EXTL1: variants seen among roughly 807,000 people sequenced by gnomAD.
EXTL1 encodes the protein exostosin-like 1.
In EXTL1, 43 loss-of-function variants were observed where a neutral mutation model predicts 64.6. The observed-to-expected ratio is 0.67, with a 90% CI of 0.52 to 0.86. The LOEUF (loss-of-function observed/expected upper bound fraction) is 0.86. Among genes scored for constraint, EXTL1 ranks in the 40% least tolerant of loss-of-function variants. The pLI, the probability that EXTL1 is intolerant of heterozygous loss-of-function variation, is 0.00. For missense variants in EXTL1, 766 were observed against 879.0 expected, an observed-to-expected ratio of 0.87 and a Z score of 1.62; for synonymous variants, 352 against 360.5, an observed-to-expected ratio of 0.98 and a Z score of 0.27.
Position 26,035,431 on chromosome 1 carries a change from G to C in EXTL1, c.*84G>C, listed in dbSNP as rs977265497. The stretch of plus-strand genomic sequence containing the variant: ...GCCTGCCGGCGGGCTCCGCTCTTGG[G>C]ACACCGGAGAACCTATCATGTCAGC... On this transcript the variant is annotated 3_prime_UTR_variant, in exon 11 of 11. Transcript: ENST00000374280. This position sits in a 1 kb window ranked among gnomAD's most constrained non-coding sequence, Gnocchi z 5.3. The C allele has an allele frequency of 4.2e-5, 54 of 1,291,264 alleles. 1 individual carries two copies. Among genetic ancestry groups the C allele is most frequent in the Middle Eastern group, 2.8e-4 (1 of 3,596 alleles). 80.0% of individuals were successfully genotyped at this position (1,291,264 alleles called of 1,614,324 possible). A position where few individuals can be genotyped will look rare whatever the true frequency, so the allele number is the denominator to read the frequency against.
At chr1:26,028,618 G>A (rs559148704) in intron 1 of EXTL1, among the ~76,000 whole-genome samples, 1 of 152,274 alleles carries the variant, frequency 6.6e-6, no homozygotes, top group African/African-American at 2.4e-5. Context: ...TGGTGGAGGG[G>A]GTAGGTGGGA....
intron 1 of EXTL1, among the ~76,000 whole-genome samples, chr1:26,027,693 A>AAAAAAAAAAAAAAAAAAAAAAAAAAAAG (rs1553141858): frequency 0.011 from 1,488 of 131,130 alleles, 30 homozygotes; most frequent in Non-Finnish European, 0.021. Context: ...CATCTCTAAA[A>AAAAAAAAAAAAAAAAAAAAAAAAAAAAG]AAAAAAAAAA....
At chr1:26,024,150 G>A (rs2050189446) in intron 1 of EXTL1, among the ~76,000 whole-genome samples, 2 of 152,206 alleles carry the variant, frequency 1.3e-5, no homozygotes, top group Non-Finnish European at 2.9e-5. Context: ...GATGTGGTGA[G>A]CTTGTACAGA....
chr1:26,027,175 T>C (rs921687833), intron 1 of EXTL1, among the ~76,000 whole-genome samples: 3 of 152,172 alleles, frequency 2.0e-5, no homozygotes, highest in Non-Finnish European at 4.4e-5. Flanking sequence ...AGCCCCATCC[T>C]CAAGGAGCTC....
chr1:26,026,979 A>G (rs948280316), intron 1 of EXTL1, among the ~76,000 whole-genome samples: 46 of 152,172 alleles, frequency 3.0e-4, no homozygotes, highest in African/African-American at 8.4e-4. Context: ...AAGACCACCC[A>G]CTGGCTGCAC....
chr1:26,033,643 G>A lies in EXTL1; in HGVS notation c.1519-53G>A, dbSNP rs747885332. On this transcript the variant is annotated intron_variant, in intron 8 of 10. Transcript: ENST00000374280. This position sits in a 1 kb window ranked among gnomAD's most constrained non-coding sequence, Gnocchi z 5.1. The stretch of plus-strand genomic sequence containing the variant: ...TGCCCCTGCCTCCATTTCCCTGGAT[G>A]TTCTAGGCATTTAGGAGGTCCTTCC... 2 of 1,583,814 alleles carry A rather than the reference G, an allele frequency of 1.3e-6. No individual in the cohort carries two copies. Among genetic ancestry groups the A allele is most frequent in the East Asian group, 2.2e-5 (1 of 44,734 alleles).
Position 26,022,502 on chromosome 1 carries a change from G to A in EXTL1, c.-145G>A, listed in dbSNP as rs1276101741. The A allele has an allele frequency of 2.4e-5, 16 of 670,514 alleles. No homozygotes were observed. The highest frequency in any genetic ancestry group is 4.3e-5 in the South Asian group (2 of 46,326). 41.5% of individuals were successfully genotyped at this position (670,514 alleles called of 1,614,324 possible). On this transcript the variant is annotated 5_prime_UTR_variant, in exon 1 of 11. Transcript: ENST00000374280. The stretch of plus-strand genomic sequence containing the variant: ...GACCTTAGACAGGCGGCCTGGTCTC[G>A]ATGGGCCTCAGTCTTCCCATCTGTA...
chr1:26,026,375 C>G (rs2050216602), intron 1 of EXTL1, among the ~76,000 whole-genome samples: 1 of 150,604 alleles, frequency 6.6e-6, no homozygotes, highest in South Asian at 2.1e-4. Flanking sequence ...CTCACTGCGA[C>G]CTCCACTTCC....
At chr1:26,031,021 T>G in intron 4 of EXTL1, 111 bp from the exon 5 acceptor site, 1 of 1,376,732 alleles carries the variant, frequency 7.3e-7, no homozygotes, top group Non-Finnish European at 1.0e-6. Context: ...ACTCAGCTTC[T>G]GACCCCAGGG....
At position 26,027,785 on chromosome 1, in the gene EXTL1, G is replaced by A. The variant is rs188287567; in HGVS notation, c.780-1408G>A. ...TGCTTGATCCTGGGAAGTTGAGGCT[G>A]CAGTGAGCTGTGATGGCACCACTGC... On this transcript the variant is annotated intron_variant, in intron 1 of 10. Coordinates refer to ENST00000374280, the MANE Select transcript of EXTL1 (RefSeq NM_004455.3). 3.2e-3 allele frequency among the ~76,000 whole-genome samples: 490 copies of A among 151,944 alleles called. 5 individuals carry two copies. The highest frequency in any genetic ancestry group is 0.011 in the African/African-American group (462 of 41,410).
Position 26,031,510 on chromosome 1 carries a change from G to T in EXTL1, c.1285G>T (p.Gly429Cys). 1 of 1,601,674 alleles carries T rather than the reference G, an allele frequency of 6.2e-7. No individual in the cohort carries two copies. The highest frequency in any genetic ancestry group is 8.5e-7 in the Non-Finnish European group (1 of 1,174,424). Residue 429 changes from glycine to cysteine, a missense_variant, in exon 6 of 11, where the codon GGC (glycine) becomes TGC (cysteine). Transcript: ENST00000374280. ...CGCCCTGATCTGGGTGGGGCCCCCA[G>T]GCCAGCCCCCTCTGAAGCTCATCCA... The part of the protein sequence containing the change: ...FSALIWVGPP[G>C]QPPLKLIQAV...
chr1:26,024,491 G>A (rs1305724574), intron 1 of EXTL1, among the ~76,000 whole-genome samples: 1 of 151,890 alleles, frequency 6.6e-6, no homozygotes, highest in Non-Finnish European at 1.5e-5. Context: ...CCTCTGCTTG[G>A]GGCTCCCGGG....
chr1:26,024,781 G>C (rs1303171605), intron 1 of EXTL1, among the ~76,000 whole-genome samples: 1 of 152,134 alleles, frequency 6.6e-6, no homozygotes, highest in East Asian at 1.9e-4. Context: ...TTTCTGATGA[G>C]GCACTCAGGT....
chr1:26,032,019 G>C (rs1228385246), intron 6 of EXTL1: 1 of 232,430 alleles, frequency 4.3e-6, no homozygotes, highest in Non-Finnish European at 8.3e-6. Context: ...GGTGCACACA[G>C]GAAGGCTCCA....
In EXTL1 at chr1:26,035,402, C is replaced by G; in HGVS notation, c.*55C>G. On this transcript the variant is annotated 3_prime_UTR_variant, in exon 11 of 11. Coordinates refer to ENST00000374280, the MANE Select transcript of EXTL1 (RefSeq NM_004455.3). This position sits in a 1 kb window ranked among gnomAD's most constrained non-coding sequence, Gnocchi z 5.3. ...GTCGCAGCCCAGCTCCCAGGGGGCC[C>G]GGCGCCTGCCGGCGGGCTCCGCTCT... The G allele has an allele frequency of 6.8e-7, 1 of 1,478,490 alleles. No individual in the cohort carries two copies. Among genetic ancestry groups the G allele is most frequent in the African/African-American group, 1.4e-5 (1 of 70,768 alleles). The allele number at this position is 1,478,490 out of a possible 1,614,324, so 91.6% of individuals were successfully genotyped here.
Position 26,033,364 on chromosome 1 carries a change from G to C in EXTL1, c.1518+49G>C, listed in dbSNP as rs762300295. 3 of 1,510,150 alleles carry C rather than the reference G, an allele frequency of 2.0e-6. No homozygotes were observed. The highest frequency in any genetic ancestry group is 2.8e-6 in the Non-Finnish European group (3 of 1,086,062). 93.5% of individuals were successfully genotyped at this position (1,510,150 alleles called of 1,614,324 possible). On this transcript the variant is annotated intron_variant, in intron 8 of 10. Transcript: ENST00000374280. The surrounding 1 kb of genome is among the most constrained non-coding windows in gnomAD (Gnocchi z 5.1). ...CCCAGTGTGGGTAGACACAGAGCCA[G>C]AGGGCCCTGGCAGCCCCTCAGGTTC...
chr1:26,030,696 C>CT (rs529484506), intron 4 of EXTL1, 101 bp downstream of exon 4: 12 of 1,350,108 alleles, frequency 8.9e-6, no homozygotes, highest in South Asian at 1.4e-5. Context: ...AACCCCCCCC[C>CT]CTTCCTTGAA....
Position 26,022,739 on chromosome 1 carries a change from C to T in EXTL1, c.93C>T (p.Arg31=). The change falls in exon 1 of 11, where the codon CGC becomes CGT. Residue 31 remains arginine (R), a synonymous_variant. Transcript: ENST00000374280. ...LVLLGGFSLL[R]LALPPRPRPG... ...TGCTGGGAGGCTTCTCCCTTCTCCG[C>T]CTGGCATTGCCTCCCAGACCTCGGC... The T allele has an allele frequency of 6.2e-7, 1 of 1,614,080 alleles. No homozygotes were observed. Among genetic ancestry groups the T allele is most frequent in the Non-Finnish European group, 8.5e-7 (1 of 1,179,980 alleles).
Position 26,029,291 on chromosome 1 carries a change from A to G in EXTL1, c.873+5A>G. 1 of 1,611,498 alleles carries G rather than the reference A, an allele frequency of 6.2e-7. No individual in the cohort carries two copies. The highest frequency in any genetic ancestry group is 8.5e-7 in the Non-Finnish European group (1 of 1,177,780). On this transcript the variant is annotated splice_donor_5th_base_variant and intron_variant, in intron 2 of 10. Coordinates refer to ENST00000374280, the MANE Select transcript of EXTL1 (RefSeq NM_004455.3). ...CGCTTCCTCCAAGCCCTGCAGGTAC[A>G]ACCCCAATTTGAGCATCACCCATCC...
Sources: allele counts gnomAD v4.1 joint callset (sites outside exome capture counted in the v4.1 genomes callset), GRCh38; gene constraint gnomAD v4.1.1; non-coding constraint Gnocchi (gnomAD v3.1); transcripts MANE v1.5; gene names NCBI Gene and HGNC (gene_info 2026-07-23, HGNC 2026-07-21).